SIPA1L1: variants seen among roughly 807,000 people sequenced by gnomAD.
SIPA1L1 encodes the protein signal-induced proliferation-associated 1-like protein 1.
Under a neutral mutation model 162.7 loss-of-function variants are expected in SIPA1L1, and 26 were observed. The ratio of observed to expected loss-of-function variants is 0.16; its 90% CI spans 0.12 to 0.22. The LOEUF is 0.22. Ranked by LOEUF, SIPA1L1 falls within the 10% of genes least tolerant of loss-of-function variation. SIPA1L1 has a pLI of 1.00. For missense variants in SIPA1L1, 1,874 were observed against 2,241.0 expected (o/e 0.84, Z 3.31); for synonymous variants, 829 against 837.4 (o/e 0.99, Z 0.17).
At position 71,340,061 on chromosome 14, in the gene SIPA1L1, A is replaced by C. The variant is rs1006919449; in HGVS notation, c.-465+18880A>C. Among the ~76,000 whole-genome samples, 5 of 152,244 alleles carry C rather than the reference A, an allele frequency of 3.3e-5. No homozygotes were observed. The East Asian group carries it at 9.6e-4, about 29-fold the overall frequency. On this transcript the variant is annotated intron_variant, in intron 2 of 23. Coordinates refer to ENST00000381232, the MANE Select transcript of SIPA1L1 (RefSeq NM_001386936.1). ...AATGCCAGAAAGCCTGTCTGCTTATAATAGGTAGCTATGACCACCACCCTG... is the reference window on the plus strand; with the variant it reads ...AATGCCAGAAAGCCTGTCTGCTTATCATAGGTAGCTATGACCACCACCCTG...
intron 2 of SIPA1L1, among the ~76,000 whole-genome samples, chr14:71,339,283 C>T (rs532637459): frequency 2.0e-5 from 3 of 152,052 alleles, no homozygotes; most frequent in South Asian, 2.1e-4. Context: ...ATGATTAACC[C>T]GATGTTTACT....
intron 2 of SIPA1L1, chr14:71,321,651 A>G (rs2032998295): frequency 1.3e-5 from 2 of 152,270 alleles, no homozygotes. Context: ...TCTTGGGGAC[A>G]TGAAATTTTG....
At chr14:71,504,057 G>C (rs2050457658) in intron 2 of SIPA1L1, 2 of 151,682 alleles carry the variant, frequency 1.3e-5, no homozygotes, top group African/African-American at 4.8e-5. Context: ...TATCTGCCTT[G>C]GCCTCCCAAA....
chr14:71,545,377 A>G (rs1476008361), intron 4 of SIPA1L1, among the ~76,000 whole-genome samples: 1 of 152,194 alleles, frequency 6.6e-6, no homozygotes, highest in Non-Finnish European at 1.5e-5. Flanking sequence ...AGTGTTGTGT[A>G]GTTTTCAATA....
intron 8 of SIPA1L1, among the ~76,000 whole-genome samples, chr14:71,653,784 TC>T (rs1282498916): frequency 6.6e-6 from 1 of 152,214 alleles, no homozygotes; most frequent in East Asian, 1.9e-4. Flanking sequence ...GTATGCCGTC[TC>T]GTTTAATTCC....
intron 7 of SIPA1L1, among the ~76,000 whole-genome samples, chr14:71,626,752 T>A (rs1387941312): frequency 6.6e-6 from 1 of 152,168 alleles, no homozygotes; most frequent in Non-Finnish European, 1.5e-5. Context: ...CTTTTTATAT[T>A]TGGTTTAAAT....
intron 2 of SIPA1L1, among the ~76,000 whole-genome samples, chr14:71,381,323 A>T (rs564571087): frequency 1.1e-4 from 17 of 152,252 alleles, no homozygotes; most frequent in Non-Finnish European, 2.4e-4. Context: ...AAGTGCTGGG[A>T]TTACAGGCAT....
intron 2 of SIPA1L1, among the ~76,000 whole-genome samples, chr14:71,356,835 CA>C (rs2140769856): frequency 6.6e-6 from 1 of 151,086 alleles, no homozygotes; most frequent in African/African-American, 2.4e-5. Flanking sequence ...AAGCCAAAGA[CA>C]GAGAAATTCC....
intron 2 of SIPA1L1, among the ~76,000 whole-genome samples, chr14:71,324,094 GGCTCAAGACTT>G (rs1174324984): frequency 6.6e-6 from 1 of 152,120 alleles, no homozygotes; most frequent in Non-Finnish European, 1.5e-5. Context: ...TGCGGAGATG[GGCTCAAGACTT>G]GCTTCACAGA....
At chr14:71,396,661 G>C (rs2041229766) in intron 2 of SIPA1L1, among the ~76,000 whole-genome samples, 1 of 151,672 alleles carries the variant, frequency 6.6e-6, no homozygotes, top group African/African-American at 2.4e-5. Flanking sequence ...CTTTTTTTTT[G>C]CTCTTAAGCA....
intron 2 of SIPA1L1, among the ~76,000 whole-genome samples, chr14:71,396,394 G>C (rs1281439863): frequency 6.6e-6 from 1 of 152,184 alleles, no homozygotes; most frequent in East Asian, 1.9e-4. Context: ...CCCTCAAAAT[G>C]TGTTAGTTTC....
At chr14:71,509,666 C>T (rs1022615260) in intron 2 of SIPA1L1, among the ~76,000 whole-genome samples, 3 of 151,654 alleles carry the variant, frequency 2.0e-5, no homozygotes, top group Non-Finnish European at 2.9e-5. Flanking sequence ...ATTGCTTGAA[C>T]CCGGGAGGCG....
At chr14:71,574,895 A>G (rs1442046587) in intron 4 of SIPA1L1, 2 of 152,182 alleles carry the variant, frequency 1.3e-5, no homozygotes, top group Admixed American at 1.3e-4. Context: ...ATTTTATTTG[A>G]AAGTTAGGCA....
At chr14:71,701,256 C>T (rs1445044142) in intron 14 of SIPA1L1, among the ~76,000 whole-genome samples, 1 of 152,070 alleles carries the variant, frequency 6.6e-6, no homozygotes, top group Non-Finnish European at 1.5e-5. Context: ...TGGTTTTACC[C>T]ATACATGTAT....
intron 2 of SIPA1L1, among the ~76,000 whole-genome samples, chr14:71,462,599 C>T (rs1190036983): frequency 1.3e-5 from 2 of 152,146 alleles, no homozygotes; most frequent in Non-Finnish European, 2.9e-5. Flanking sequence ...CTTGACAGGC[C>T]CCATACCACT....
chr14:71,581,702 C>T (rs1236064925), intron 4 of SIPA1L1, among the ~76,000 whole-genome samples: 1 of 152,102 alleles, frequency 6.6e-6, no homozygotes, highest in East Asian at 1.9e-4. Context: ...TCATTTACTT[C>T]TTCGGTCTCA....
At chr14:71,600,857 TG>T (rs2036657651) in intron 5 of SIPA1L1, among the ~76,000 whole-genome samples, 1 of 152,182 alleles carries the variant, frequency 6.6e-6, no homozygotes, top group South Asian at 2.1e-4. Context: ...TTGTTTCTGT[TG>T]TAGATGGGAT....
intron 4 of SIPA1L1, among the ~76,000 whole-genome samples, chr14:71,565,128 A>T (rs975260735): frequency 1.3e-5 from 2 of 152,008 alleles, no homozygotes; most frequent in African/African-American, 4.8e-5. Context: ...TGTATTTGGA[A>T]ATTCTCATTT....
intron 16 of SIPA1L1, among the ~76,000 whole-genome samples, chr14:71,708,858 C>G (rs927053803): frequency 6.6e-6 from 1 of 152,164 alleles, no homozygotes; most frequent in African/African-American, 2.4e-5. Context: ...TTAGAATTAA[C>G]ATGCTTTCTA....
Sources: allele counts gnomAD v4.1 joint callset (sites outside exome capture counted in the v4.1 genomes callset), GRCh38; gene constraint gnomAD v4.1.1; transcripts MANE v1.5; gene names NCBI Gene and HGNC (gene_info 2026-07-23, HGNC 2026-07-21).